Variants in VSX1 observed in about 807,000 individuals in gnomAD.
VSX1 encodes visual system homeobox 1.
A neutral mutation model predicts 23.6 loss-of-function variants in VSX1; 23 were observed. The observed-to-expected ratio is 0.97, with a 90% confidence interval of 0.70 to 1.38. VSX1 has a LOEUF of 1.38. Ranked by LOEUF, VSX1 falls within the 40% of genes most tolerant of loss-of-function variation. The probability of loss-of-function intolerance (pLI) is 0.00; values close to 1 mark genes in which losing one functional copy is unlikely to be tolerated. For missense variants in VSX1, 517 were observed against 495.4 expected, an observed-to-expected ratio of 1.04 and a Z score of -0.41; for synonymous variants, 247 against 215.1, an observed-to-expected ratio of 1.15 and a Z score of -1.30.
intron 3 of VSX1, chr20:25,078,096 G>A (rs898239070): frequency 1.7e-6 from 1 of 598,216 alleles, no homozygotes; most frequent in African/African-American, 1.9e-5. Flanking sequence ...CAACGCAGTA[G>A]GGACACTTGT....
Position 25,081,706 on chromosome 20 carries a change from G to T in VSX1, c.391C>A (p.Arg131Ser), listed in dbSNP as rs6050307. 10,441 of 1,505,368 alleles carry T rather than the reference G, an allele frequency of 6.9e-3. 562 individuals are homozygous for T. In the African/African-American group the frequency reaches 0.13, roughly 18 times the overall value. The allele number at this position is 1,505,368 out of a possible 1,614,324, so 93.3% of individuals were successfully genotyped here. ...GAGACGCTGTCGCTGCGCTTCTGGCGGCCGAGCGCAGGCGGCGGACGGCTG... is the reference window on the plus strand; with the variant it reads ...GAGACGCTGTCGCTGCGCTTCTGGCTGCCGAGCGCAGGCGGCGGACGGCTG... Reference protein sequence around the residue: ...APSRPPPALGRQKRSDSVSTS... With the variant: ...APSRPPPALGSQKRSDSVSTS... The change falls in exon 1 of 5, where the codon CGC becomes AGC. Residue 131 changes from arginine (R) to serine (S), a missense_variant. Arg to Ser is a moderately radical substitution (Grantham distance 110). Coordinates refer to ENST00000376709, the MANE Select transcript of VSX1 (RefSeq NM_014588.6).
Position 25,081,812 on chromosome 20 carries a change from G to A in VSX1, c.285C>T (p.Ala95=), listed in dbSNP as rs1275959573. The A allele has an allele frequency of 2.1e-5, 31 of 1,502,448 alleles. No individual in the cohort carries two copies. Among genetic ancestry groups the A allele is most frequent in the Non-Finnish European group, 2.6e-5 (30 of 1,134,604 alleles). 93.1% of individuals were successfully genotyped at this position (1,502,448 alleles called of 1,614,324 possible). The part of the protein sequence containing the change: ...LCGFGTQPPA[A]ARAPCLLLAD... ...CTAGGAGCAGGCAGGGTGCTCGAGC[G>A]GCCGCCGGCGGCTGCGTGCCGAAGC... Residue 95 remains alanine (A), a synonymous_variant, in exon 1 of 5, where the codon GCC becomes GCT. Transcript: ENST00000376709.
At position 25,081,848 on chromosome 20, in the gene VSX1, G is replaced by A. The variant is rs2089653839; in HGVS notation, c.249C>T (p.Gly83=). 1.3e-6 allele frequency: 2 copies of A among 1,521,358 alleles called. No individual in the cohort carries two copies. Among genetic ancestry groups the A allele is most frequent in the African/African-American group, 1.4e-5 (1 of 70,814 alleles). The allele number at this position is 1,521,358 out of a possible 1,614,324, so 94.2% of individuals were successfully genotyped here. Residue 83 remains glycine, a synonymous_variant, in exon 1 of 5, where the codon GGC becomes GGT. Transcript: ENST00000376709. ...GCTGCGTGCCGAAGCCACAGAGGAG[G>A]CCGAGTCCCAGCGGTAGGGCCCCAC... ...LARGALPLGL[G]LLCGFGTQPP... is the part of the protein sequence containing the mutation.
intron 4 of VSX1, among the ~76,000 whole-genome samples, chr20:25,076,808 C>T (rs772568736): frequency 1.3e-5 from 2 of 152,180 alleles, no homozygotes; most frequent in Non-Finnish European, 2.9e-5. Context: ...CCCTAGGCTG[C>T]GGTCTCGCAG....
chr20:25,077,970 C>A, intron 3 of VSX1, 105 bp from the exon 4 acceptor site: 1 of 1,384,786 alleles, frequency 7.2e-7, no homozygotes, highest in African/African-American at 1.4e-5. Context: ...CTCTCCCGAG[C>A]ATGATCCCAT....
In VSX1 at chr20:25,081,673, C is replaced by T. The variant is rs2089645990; in HGVS notation, c.424G>A (p.Asp142Asn). The change falls in exon 1 of 5, where the codon GAT becomes AAT. Residue 142 changes from aspartate to asparagine, a missense_variant and splice_region_variant. By Grantham distance (23) the Asp-to-Asn change is conservative. Transcript: ENST00000376709. Reference sequence around the variant, plus strand: ...GAGCGGAAAGCGCGGGCCTGATTACCGGACGTGGAGACGCTGTCGCTGCGC... The same window carrying T: ...GAGCGGAAAGCGCGGGCCTGATTACTGGACGTGGAGACGCTGTCGCTGCGC... ...QKRSDSVSTS[D>N]EDSQSEDRND... 2 of 1,519,744 alleles carry T rather than the reference C, an allele frequency of 1.3e-6. No individual in the cohort carries two copies. 94.1% of individuals were successfully genotyped at this position (1,519,744 alleles called of 1,614,324 possible). A position where few individuals can be genotyped will look rare whatever the true frequency, so the allele number is the denominator to read the frequency against.
At position 25,077,869 on chromosome 20, in the gene VSX1, G is replaced by C; in HGVS notation, c.628-4C>G. The C allele has an allele frequency of 2.6e-6, 4 of 1,551,646 alleles. No homozygotes were observed. The highest frequency in any genetic ancestry group is 3.5e-6 in the Non-Finnish European group (4 of 1,147,232). On this transcript the variant is annotated splice_polypyrimidine_tract_variant and splice_region_variant and intron_variant, in intron 3 of 4. Transcript: ENST00000376709. ...CCCTGCGGTTTTGAAACCAGACCTG[G>C]TTGGAGGCAGGAGAAGCAGAAGGCA...
chr20:25,077,584 G>GTTGCT, intron 4 of VSX1, 101 bp downstream of exon 4: 2 of 1,393,304 alleles, frequency 1.4e-6, no homozygotes, highest in Non-Finnish European at 9.8e-7. Context: ...GTAAACTGAC[G>GTTGCT]TTGCTTTGCT....
downstream of VSX1, among the ~76,000 whole-genome samples, chr20:25,074,163 G>A (rs1205031344): frequency 6.6e-6 from 1 of 152,146 alleles, no homozygotes; most frequent in Non-Finnish European, 1.5e-5. Flanking sequence ...ACTGAGCCAA[G>A]TATATTACTC....
downstream of VSX1, chr20:25,071,525 A>T (rs2089377915): frequency 6.6e-6 from 3 of 456,278 alleles, no homozygotes; most frequent in Non-Finnish European, 1.3e-5. Context: ...GAGGAAGTCC[A>T]GAAAAGTCAG....
At position 25,077,819 on chromosome 20, in the gene VSX1, C is replaced by A. The variant is rs140984142; in HGVS notation, c.674G>T (p.Arg225Leu). The A allele has an allele frequency of 6.4e-7, 1 of 1,551,648 alleles. No individual in the cohort carries two copies. Among genetic ancestry groups the A allele is most frequent in the Non-Finnish European group, 8.7e-7 (1 of 1,147,170 alleles). The change falls in exon 4 of 5, where the codon CGC (arginine) becomes CTC (leucine). Residue 225 changes from arginine (R) to leucine (L), a missense_variant. Transcript: ENST00000376709. ...GGCCATCACGCTGCTGCCGCCCCAG[C>A]GCTTCTCCCGCTTGCGCCATTTGGC... ...RRAKWRKREK[R>L]WGGSSVMAEY... is the part of the protein sequence containing the mutation.
At chr20:25,077,941 G>A in intron 3 of VSX1, 76 bp from the exon 4 acceptor site, 1 of 1,502,148 alleles carries the variant, frequency 6.7e-7, no homozygotes, top group Non-Finnish European at 9.1e-7. Context: ...CGGAGGCGGC[G>A]TCCCAGGGCT....
chr20:25,078,756 A>C, intron 3 of VSX1, 73 bp downstream of exon 3: 2 of 1,614,080 alleles, frequency 1.2e-6, no homozygotes, highest in Non-Finnish European at 1.7e-6. Flanking sequence ...GGGACTGCTG[A>C]TTGGCTCACT....
chr20:25,078,459 G>A, intron 3 of VSX1: 1 of 1,015,358 alleles, frequency 9.8e-7, no homozygotes, highest in Non-Finnish European at 1.3e-6. Context: ...CATATTCAGG[G>A]GCAGATAATA....
intron 4 of VSX1, among the ~76,000 whole-genome samples, chr20:25,076,905 T>C (rs554849318): frequency 6.6e-6 from 1 of 152,348 alleles, no homozygotes; most frequent in East Asian, 1.9e-4. Context: ...CTCTAGTGTT[T>C]CAGTCCTTGA....
At position 25,076,154 on chromosome 20, in the gene VSX1, G is replaced by A. The variant is rs879055475; in HGVS notation, c.*107C>T. 1.5e-5 allele frequency: 23 copies of A among 1,504,972 alleles called. No individual in the cohort carries two copies. In the South Asian group the frequency reaches 2.2e-4, roughly 14 times the overall value. The allele number at this position is 1,504,972 out of a possible 1,614,324, so 93.2% of individuals were successfully genotyped here. A position where few individuals can be genotyped will look rare whatever the true frequency, so the allele number is the denominator to read the frequency against. On this transcript the variant is annotated 3_prime_UTR_variant, in exon 5 of 5. Transcript: ENST00000376709. ...ATTGCATTTTATCTTGACATTGTCAGAAGAAAATCAAACTGAGAGTATATG... is the reference window on the plus strand; with the variant it reads ...ATTGCATTTTATCTTGACATTGTCAAAAGAAAATCAAACTGAGAGTATATG...
downstream of VSX1, among the ~76,000 whole-genome samples, chr20:25,074,824 A>G (rs1488578560): frequency 2.6e-5 from 4 of 152,224 alleles, no homozygotes; most frequent in East Asian, 1.9e-4. Context: ...TTGAGAACCA[A>G]CCCTCTGGGA....
intron 1 of VSX1, among the ~76,000 whole-genome samples, chr20:25,080,864 T>C (rs1318211944): frequency 6.6e-6 from 1 of 152,248 alleles, no homozygotes; most frequent in Non-Finnish European, 1.5e-5. Context: ...TCTACTCTTT[T>C]TGCCTTGGCT....
In VSX1 at chr20:25,075,735, A is replaced by G. The variant is rs975415344; in HGVS notation, c.*526T>C. ...CATAGCCTATCAAGTGACACTCAAG[A>G]AAACACAAAATTACTCCCTAACAAG... On this transcript the variant is annotated 3_prime_UTR_variant, in exon 5 of 5. Transcript: ENST00000376709. 2 of 157,476 alleles carry G rather than the reference A, an allele frequency of 1.3e-5. No homozygotes were observed. Among genetic ancestry groups the G allele is most frequent in the African/African-American group, 4.8e-5 (2 of 41,470 alleles). 9.8% of individuals were successfully genotyped at this position (157,476 alleles called of 1,614,324 possible).
Sources: gnomAD v4.1 joint callset for allele counts (sites outside exome capture counted in the v4.1 genomes callset) on GRCh38, gnomAD v4.1.1 for gene constraint, MANE v1.5 for transcripts, NCBI Gene and HGNC (gene_info 2026-07-23, HGNC 2026-07-21) for gene names.